Variants in PHEX observed in about 807,000 individuals in gnomAD.
PHEX encodes the protein phosphate-regulating neutral endopeptidase PHEX.
PHEX carries 16 observed loss-of-function variants against 68.0 expected under a neutral mutation model. The observed-to-expected ratio is 0.24, with a 90% CI of 0.16 to 0.36. The LOEUF (loss-of-function observed/expected upper bound fraction) is 0.36, where lower values mean the gene tolerates loss of function less well. Ranked by LOEUF, PHEX falls within the 10% of genes least tolerant of loss-of-function variation. The probability of loss-of-function intolerance (pLI) is 1.00; values close to 1 mark genes in which losing one functional copy is unlikely to be tolerated. For synonymous variants in PHEX, 208 were observed against 205.1 expected (o/e 1.01, Z -0.12); for missense variants, 480 against 575.5 (o/e 0.83, Z 1.70).
At chrX:22,227,401 T>G in intron 19 of PHEX, 106 bp from the exon 20 acceptor site, 5 of 562,626 alleles carry the variant, frequency 8.9e-6, no homozygotes, top group Non-Finnish European at 1.6e-5. Flanking sequence ...TTTGACATGA[T>G]GCATTTTGCA....
At chrX:22,080,287 T>C (rs144032460) in intron 5 of PHEX, among the ~76,000 whole-genome samples, 1,316 of 112,373 alleles carry the variant, frequency 0.012, 20 homozygotes, top group African/African-American at 0.04. Context: ...TGCTCTCTTT[T>C]GTCAAGATGG....
chrX:22,162,898 C>T (rs747158222), intron 12 of PHEX: 8 of 111,424 alleles, frequency 7.2e-5, no homozygotes, highest in South Asian at 7.6e-4. Context: ...GATGGCTGCT[C>T]GGCTTCTGGC....
In PHEX at chrX:22,196,184, A is replaced by G. The variant is rs768312661; in HGVS notation, c.1645+5682A>G. ...ACAGAGCAAGATCCTGTCTTTAACAACAACAAAAATGTATGCTTTTACTGT... is the reference window on the plus strand; with the variant it reads ...ACAGAGCAAGATCCTGTCTTTAACAGCAACAAAAATGTATGCTTTTACTGT... On this transcript the variant is annotated intron_variant, in intron 15 of 21. Coordinates refer to ENST00000379374, the MANE Select transcript of PHEX (RefSeq NM_000444.6). 5.4e-5 allele frequency among the ~76,000 whole-genome samples: 6 copies of G among 112,040 alleles called. No individual in the cohort carries two copies. The East Asian group carries it at 1.7e-3, about 31-fold the overall frequency.
intron 7 of PHEX, among the ~76,000 whole-genome samples, chrX:22,095,265 G>A (rs1334585196): frequency 8.9e-6 from 1 of 111,897 alleles, no homozygotes; most frequent in African/African-American, 3.3e-5. Context: ...TCGAAGTCCA[G>A]GACTGTGCCT....
chrX:22,124,160 A>G (rs1361546072), intron 11 of PHEX, among the ~76,000 whole-genome samples: 1 of 111,754 alleles, frequency 8.9e-6, no homozygotes, highest in Non-Finnish European at 1.9e-5. Flanking sequence ...TCCAGATTTC[A>G]TAACCCTCTG....
Position 22,249,455 on chromosome X carries a change from A to AAATATATATATATATATATATAT in PHEX, c.*1503_*1504insATATATATATATATATATATATA. The AAATATATATATATATATATATAT allele has an allele frequency of 1.8e-4, 7 of 39,748 alleles. No individual in the cohort carries two copies. The highest frequency in any genetic ancestry group is 1.0e-3 in the African/African-American group (6 of 6,015). 3.3% of individuals were successfully genotyped at this position (39,748 alleles called of 1,213,427 possible). The stretch of plus-strand genomic sequence containing the variant: ...TTGTGATTCTTTTAAAAAAAAAAAA[A>AAATATATATATATATATATATAT]ATATATATATATATATATATATATA... On this transcript the variant is annotated 3_prime_UTR_variant, in exon 22 of 22. Coordinates refer to ENST00000379374, the MANE Select transcript of PHEX (RefSeq NM_000444.6).
chrX:22,041,265 C>CTCTCTCTCTCTCTATATATATATATA (rs1468778300), intron 2 of PHEX, among the ~76,000 whole-genome samples: 1 of 72,823 alleles, frequency 1.4e-5, no homozygotes, highest in African/African-American at 6.3e-5. Flanking sequence ...CTCTCTCTCT[C>CTCTCTCTCTCTCTATATATATATATA]TATATATATA....
chrX:22,071,004 G>A (rs1342455589), intron 3 of PHEX, among the ~76,000 whole-genome samples: 3 of 111,925 alleles, frequency 2.7e-5, no homozygotes, highest in Non-Finnish European at 5.6e-5. Context: ...GCAGATGGCT[G>A]TTATGAACTC....
At chrX:22,214,279 T>TGTCTC (rs1339784942) in intron 16 of PHEX, among the ~76,000 whole-genome samples, 5 of 111,915 alleles carry the variant, frequency 4.5e-5, no homozygotes, top group African/African-American at 1.3e-4. Context: ...TCTCATCTTC[T>TGTCTC]GTCTCTCCCT....
At position 22,249,453 on chromosome X, in the gene PHEX, AAAATATATATAT is replaced by A. The variant is rs1214432488; in HGVS notation, c.*1502_*1513del. On this transcript the variant is annotated 3_prime_UTR_variant, in exon 22 of 22. Transcript: ENST00000379374. Reference sequence around the variant, plus strand: ...ATTTGTGATTCTTTTAAAAAAAAAAAAAATATATATATATATATATATATATATATATATGTA... The same window carrying A: ...ATTTGTGATTCTTTTAAAAAAAAAAAATATATATATATATATATATATGTA... 45 of 28,041 alleles carry A rather than the reference AAAATATATATAT, an allele frequency of 1.6e-3. 1 individual carries two copies. Among genetic ancestry groups the A allele is most frequent in the African/African-American group, 5.4e-3 (26 of 4,831 alleles). 2.3% of individuals were successfully genotyped at this position (28,041 alleles called of 1,213,427 possible).
intron 5 of PHEX, among the ~76,000 whole-genome samples, chrX:22,078,875 A>G (rs774571282): frequency 8.9e-6 from 1 of 111,742 alleles, no homozygotes; most frequent in Non-Finnish European, 1.9e-5. Flanking sequence ...CCCTCTACTC[A>G]GGAGGAAATT....
intron 12 of PHEX, among the ~76,000 whole-genome samples, chrX:22,136,102 G>C (rs1274068424): frequency 4.6e-5 from 5 of 107,869 alleles, no homozygotes; most frequent in African/African-American, 6.8e-5. Context: ...CCTCTGGGTG[G>C]AGCTCGTGGT....
chrX:22,179,887 AAATT>A lies in PHEX; in HGVS notation c.1586+1520_1586+1523del, dbSNP rs201430456. Among the ~76,000 whole-genome samples the A allele has an allele frequency of 7.5e-3, 839 of 111,202 alleles. 6 individuals carry two copies. Among genetic ancestry groups the A allele is most frequent in the African/African-American group, 0.026 (807 of 30,623 alleles). On this transcript the variant is annotated intron_variant, in intron 14 of 21. Transcript: ENST00000379374. ...AGTTTCTATTGATTGCCTTTTTATT[AAATT>A]AATTAATTTTTTTTTACAGTTTTTC...
intron 3 of PHEX, among the ~76,000 whole-genome samples, chrX:22,065,805 T>G (rs1352025361): frequency 1.8e-5 from 2 of 112,347 alleles, no homozygotes; most frequent in African/African-American, 6.5e-5. Flanking sequence ...AATTCTGTGA[T>G]GTCAGCAGTC....
chrX:22,057,867 C>G (rs1928186147), intron 3 of PHEX, among the ~76,000 whole-genome samples: 1 of 111,731 alleles, frequency 9.0e-6, no homozygotes, highest in Non-Finnish European at 1.9e-5. Context: ...AATGTGCCCT[C>G]TGTGGTTGGC....
Position 22,245,385 on chromosome X carries a change from G to A in PHEX, c.2123G>A (p.Gly708Asp). ...PEAAREQVQI[G>D]AHSPPQFRVN... is the part of the protein sequence containing the mutation. The stretch of plus-strand genomic sequence containing the variant: ...GCTGCCCGAGAACAAGTCCAAATTG[G>A]TGCTCACAGTCCCCCTCAGTTTAGG... The change falls in exon 21 of 22, where the codon GGT (glycine) becomes GAT (aspartate). Residue 708 changes from glycine (G) to aspartate (D), a missense_variant. Gly to Asp is a moderately conservative substitution (Grantham distance 94). Transcript: ENST00000379374. The A allele has an allele frequency of 8.3e-7, 1 of 1,204,624 alleles. No individual in the cohort carries two copies. Among genetic ancestry groups the A allele is most frequent in the Non-Finnish European group, 1.1e-6 (1 of 889,188 alleles).
At chrX:22,228,215 G>T (rs1246128111) in intron 20 of PHEX, among the ~76,000 whole-genome samples, 4 of 112,426 alleles carry the variant, frequency 3.6e-5, no homozygotes, top group African/African-American at 9.7e-5. Flanking sequence ...AATGAGGCAA[G>T]TGCCAAATCT....
intron 5 of PHEX, among the ~76,000 whole-genome samples, chrX:22,078,170 T>A (rs761659839): frequency 1.8e-5 from 2 of 112,124 alleles, no homozygotes; most frequent in African/African-American, 6.5e-5. Context: ...GAATCTCTCC[T>A]CCCTCCTTTC....
chrX:22,132,075 G>C (rs1035944853), intron 11 of PHEX, among the ~76,000 whole-genome samples: 19 of 111,438 alleles, frequency 1.7e-4, no homozygotes, highest in Non-Finnish European at 2.6e-4. Flanking sequence ...TTCGGTAGCA[G>C]CCCCCTTTAG....
Sources: allele counts gnomAD v4.1 joint callset (sites outside exome capture counted in the v4.1 genomes callset), GRCh38; gene constraint gnomAD v4.1.1; transcripts MANE v1.5; gene names NCBI Gene and HGNC (gene_info 2026-07-23, HGNC 2026-07-21).